Variants in UAP1L1 observed in about 807,000 individuals in gnomAD.
UAP1L1 encodes the protein UDP-N-acetylglucosamine pyrophosphorylase 1 like 1.
In UAP1L1, 45 loss-of-function variants were observed where a neutral mutation model predicts 45.3. The ratio of observed to expected loss-of-function variants is 0.99; its 90% confidence interval spans 0.78 to 1.27. The LOEUF is 1.27. UAP1L1 is among the 50% of genes most tolerant of loss of function. UAP1L1 has a pLI of 0.00. For missense variants in UAP1L1, 667 were observed against 694.0 expected (o/e 0.96, Z 0.44); for synonymous variants, 323 against 303.9 (o/e 1.06, Z -0.65).
chr9:137,078,105 G>T lies in UAP1L1; in HGVS notation c.345G>T (p.Gln115His), dbSNP rs1197940972. ...KVAVLLLAGG[Q>H]GTRLGVTYPK... ...CCGTCCTGCTGCTGGCTGGGGGGCA[G>T]GGCACTCGCCTGGGCGTGACCTACC... The change falls in exon 2 of 9, where the codon CAG becomes CAT. Residue 115 changes from glutamine (Q) to histidine (H), a missense_variant. Physicochemically the swap from Gln to His is conservative, Grantham distance 24. Coordinates refer to ENST00000409858, the MANE Select transcript of UAP1L1 (RefSeq NM_207309.3). 6.5e-7 allele frequency: 1 copy of T among 1,550,182 alleles called. No individual in the cohort carries two copies.
rs959814645 is a variant in UAP1L1, at chr9:137,082,707, A to G, written c.1502A>G (p.Glu501Gly). 5 of 1,550,636 alleles carry G rather than the reference A, an allele frequency of 3.2e-6. No homozygotes were observed. The highest frequency in any genetic ancestry group is 4.4e-6 in the Non-Finnish European group (5 of 1,147,214). ...ATCCTGGATGAAGACCAGGCCAGGGAGCCGCAGCTGCAGGAGTCCTGACCC... is the reference window on the plus strand; with the variant it reads ...ATCCTGGATGAAGACCAGGCCAGGGGGCCGCAGCTGCAGGAGTCCTGACCC... ...PLILDEDQAR[E>G]PQLQES is the part of the protein sequence containing the mutation. Residue 501 changes from glutamate to glycine, a missense_variant, in exon 9 of 9, where the codon GAG (glutamate) becomes GGG (glycine). Coordinates refer to ENST00000409858, the MANE Select transcript of UAP1L1 (RefSeq NM_207309.3). The surrounding 1 kb of genome is among the most constrained non-coding windows in gnomAD (Gnocchi z 5.7).
In UAP1L1 at chr9:137,079,034, G is replaced by A. The variant is rs747688160; in HGVS notation, c.729G>A (p.Glu243=). 18 of 1,607,084 alleles carry A rather than the reference G, an allele frequency of 1.1e-5. No individual in the cohort carries two copies. The highest frequency in any genetic ancestry group is 3.3e-4 in the Middle Eastern group (2 of 6,036). ...LEDHKILEDM[E]RRGVEFVHVY... ...ACCACAAGATCCTGGAGGACATGGAGCGCCGGGGAGTGGAGTTTGTGCACG... is the reference window on the plus strand; with the variant it reads ...ACCACAAGATCCTGGAGGACATGGAACGCCGGGGAGTGGAGTTTGTGCACG... The change falls in exon 4 of 9, where the codon GAG becomes GAA. Residue 243 remains glutamate, a synonymous_variant. Transcript: ENST00000409858.
chr9:137,078,665 G>A lies in UAP1L1; in HGVS notation c.658G>A (p.Ala220Thr), dbSNP rs1278956440. Reference protein sequence around the residue: ...KVILERKDKVAMAPDGNGGLY... With the variant: ...KVILERKDKVTMAPDGNGGLY... ...TATCCTGGAGCGGAAAGACAAAGTT[G>A]CCATGGCCCCAGGTGTGGCCCGTTC... Residue 220 changes from alanine to threonine, a missense_variant, in exon 3 of 9, where the codon GCC (alanine) becomes ACC (threonine). Ala to Thr is a moderately conservative substitution (Grantham distance 58). Coordinates refer to ENST00000409858, the MANE Select transcript of UAP1L1 (RefSeq NM_207309.3). 4 of 1,612,248 alleles carry A rather than the reference G, an allele frequency of 2.5e-6. No individual in the cohort carries two copies. The highest frequency in any genetic ancestry group is 1.7e-4 in the Middle Eastern group (1 of 6,060).
In UAP1L1 at chr9:137,080,711, C is replaced by T; in HGVS notation, c.1201C>T (p.Leu401=). Residue 401 remains leucine (L), a synonymous_variant, in exon 7 of 9, where the codon CTG becomes TTG. Transcript: ENST00000409858. ...FAKNFAALEV[L]REEEFSPLKN... The stretch of plus-strand genomic sequence containing the variant: ...CAGGAACTTTGCTGCCTTGGAAGTG[C>T]TGCGGGAGGAGGAATTTTCCCCACT... The T allele has an allele frequency of 6.2e-7, 1 of 1,612,112 alleles. No homozygotes were observed. The highest frequency in any genetic ancestry group is 8.5e-7 in the Non-Finnish European group (1 of 1,179,530).
chr9:137,082,510 C>T lies in UAP1L1; in HGVS notation c.1432-127C>T, dbSNP rs973431195. On this transcript the variant is annotated intron_variant, in intron 8 of 8. Transcript: ENST00000409858. The surrounding 1 kb of genome is among the most constrained non-coding windows in gnomAD (Gnocchi z 5.7). ...CTCCTGGCCCTGGAAGCCTTTCTGT[C>T]CCCACCCCTCCCTGACTCCAGGCAG... 2.6e-6 allele frequency: 2 copies of T among 760,220 alleles called. No individual in the cohort carries two copies. Among genetic ancestry groups the T allele is most frequent in the Non-Finnish European group, 4.4e-6 (2 of 456,284 alleles). 47.1% of individuals were successfully genotyped at this position (760,220 alleles called of 1,614,324 possible). A position where few individuals can be genotyped will look rare whatever the true frequency, so the allele number is the denominator to read the frequency against.
At chr9:137,081,027 C>T (rs573729850) in intron 7 of UAP1L1, among the ~76,000 whole-genome samples, 153 bp downstream of exon 7, 2 of 152,290 alleles carry the variant, frequency 1.3e-5, no homozygotes, top group South Asian at 4.1e-4. Context: ...TTGTGCCCAG[C>T]CAGCTCCAGG....
At position 137,077,694 on chromosome 9, in the gene UAP1L1, G is replaced by T; in HGVS notation, c.162G>T (p.Ala54=). 8.7e-7 allele frequency: 1 copy of T among 1,148,462 alleles called. No individual in the cohort carries two copies. 71.1% of individuals were successfully genotyped at this position (1,148,462 alleles called of 1,614,324 possible). The change falls in exon 1 of 9, where the codon GCG becomes GCT. Residue 54 remains alanine, a synonymous_variant. Coordinates refer to ENST00000409858, the MANE Select transcript of UAP1L1 (RefSeq NM_207309.3). The surrounding 1 kb of genome is among the most constrained non-coding windows in gnomAD (Gnocchi z 4.7). The part of the protein sequence containing the change: ...EALREHCRRA[A]EACARPHGPP... ...TGCGCGAGCACTGCCGGCGGGCGGC[G>T]GAGGCCTGCGCGCGCCCCCACGGCC...
In UAP1L1 at chr9:137,077,956, C is replaced by T. The variant is rs946843886; in HGVS notation, c.290-94C>T. 6.5e-7 allele frequency: 1 copy of T among 1,529,348 alleles called. No individual in the cohort carries two copies. Among genetic ancestry groups the T allele is most frequent in the South Asian group, 1.2e-5 (1 of 83,212 alleles). 94.7% of individuals were successfully genotyped at this position (1,529,348 alleles called of 1,614,324 possible). A position where few individuals can be genotyped will look rare whatever the true frequency, so the allele number is the denominator to read the frequency against. ...TGTCTCGCCTCACGCGTTCCGGCCCCCGAGTCCTGGCGCCCCAGCCCCAGA... is the reference window on the plus strand; with the variant it reads ...TGTCTCGCCTCACGCGTTCCGGCCCTCGAGTCCTGGCGCCCCAGCCCCAGA... On this transcript the variant is annotated intron_variant, in intron 1 of 8. Coordinates refer to ENST00000409858, the MANE Select transcript of UAP1L1 (RefSeq NM_207309.3). The surrounding 1 kb of genome is among the most constrained non-coding windows in gnomAD (Gnocchi z 4.7).
rs1475386669 is a variant in UAP1L1, at chr9:137,079,079, C to G, written c.774C>G (p.Ile258Met). 3.1e-6 allele frequency: 5 copies of G among 1,610,738 alleles called. No homozygotes were observed. The highest frequency in any genetic ancestry group is 3.4e-6 in the Non-Finnish European group (4 of 1,179,242). ...TGCACGTGTACTGTGTGGACAACAT[C>G]CTGGTGCGGCTGGCGGACCCTGTCT... ...EFVHVYCVDN[I>M]LVRLADPVFI... Residue 258 changes from isoleucine (I) to methionine (M), a missense_variant, in exon 4 of 9, where the codon ATC becomes ATG. Coordinates refer to ENST00000409858, the MANE Select transcript of UAP1L1 (RefSeq NM_207309.3).
chr9:137,080,587 G>A, intron 6 of UAP1L1, 102 bp from the exon 7 acceptor site: 1 of 1,220,110 alleles, frequency 8.2e-7, no homozygotes, highest in Non-Finnish European at 1.2e-6. Context: ...CTGCCCATGG[G>A]ACCAGACCTT....
At chr9:137,079,903 G>A in intron 5 of UAP1L1, 99 bp from the exon 6 acceptor site, 1 of 1,457,662 alleles carries the variant, frequency 6.9e-7, no homozygotes, top group Non-Finnish European at 9.4e-7. Context: ...CTGCCATCCT[G>A]TCCCACCCAG....
Position 137,082,143 on chromosome 9 carries a change from G to A in UAP1L1, c.1431+79G>A, listed in dbSNP as rs1296412153. The A allele has an allele frequency of 7.2e-7, 1 of 1,393,702 alleles. No individual in the cohort carries two copies. The highest frequency in any genetic ancestry group is 1.0e-6 in the Non-Finnish European group (1 of 979,350). The allele number at this position is 1,393,702 out of a possible 1,614,324, so 86.3% of individuals were successfully genotyped here. A position where few individuals can be genotyped will look rare whatever the true frequency, so the allele number is the denominator to read the frequency against. On this transcript the variant is annotated intron_variant, in intron 8 of 8. Coordinates refer to ENST00000409858, the MANE Select transcript of UAP1L1 (RefSeq NM_207309.3). This position sits in a 1 kb window ranked among gnomAD's most constrained non-coding sequence, Gnocchi z 5.7. ...CATCTGGGGAGAGGTGGCTGCTCGG[G>A]TGGAGACGGCACAGCTCTACCTCGG...
At position 137,077,633 on chromosome 9, in the gene UAP1L1, T is replaced by C; in HGVS notation, c.101T>C (p.Leu34Pro). The C allele has an allele frequency of 2.3e-6, 3 of 1,327,290 alleles. No individual in the cohort carries two copies. The allele number at this position is 1,327,290 out of a possible 1,614,324, so 82.2% of individuals were successfully genotyped here. The change falls in exon 1 of 9, where the codon CTG becomes CCG. Residue 34 changes from leucine to proline, a missense_variant. Leu to Pro is a moderately conservative substitution (Grantham distance 98, BLOSUM62 -3). Coordinates refer to ENST00000409858, the MANE Select transcript of UAP1L1 (RefSeq NM_207309.3). The surrounding 1 kb of genome is among the most constrained non-coding windows in gnomAD (Gnocchi z 4.7). ...AELAPEPRAA[L>P]LAELALLEPE... ...CTGGCGCCGGAGCCACGAGCCGCGC[T>C]GCTGGCGGAGCTGGCGCTGCTGGAG...
chr9:137,078,414 C>T (rs765926060), intron 2 of UAP1L1, 88 bp from the exon 3 acceptor site: 1 of 1,603,604 alleles, frequency 6.2e-7, no homozygotes, highest in Non-Finnish European at 8.5e-7. Flanking sequence ...ACACTGGACC[C>T]CGAACCCCGA....
rs193018632 is a variant in UAP1L1, at chr9:137,084,509, T to A, written c.*1780T>A. The A allele has an allele frequency of 2.6e-5, 4 of 152,340 alleles. No homozygotes were observed. The allele number at this position is 152,340 out of a possible 1,614,324, so 9.4% of individuals were successfully genotyped here. The stretch of plus-strand genomic sequence containing the variant: ...ATCTTAATGTTCTGTAGGTGGAATA[T>A]TTCCAATAAACACAAGGTGCCGTAA... On this transcript the variant is annotated 3_prime_UTR_variant, in exon 9 of 9. Transcript: ENST00000409858.
rs1832718370 is a variant in UAP1L1 at position 137,077,954 on chromosome 9, C to G, written c.290-96C>G. The G allele has an allele frequency of 6.5e-7, 1 of 1,528,032 alleles. No homozygotes were observed. The highest frequency in any genetic ancestry group is 1.4e-5 in the African/African-American group (1 of 72,682). 94.7% of individuals were successfully genotyped at this position (1,528,032 alleles called of 1,614,324 possible). A position where few individuals can be genotyped will look rare whatever the true frequency, so the allele number is the denominator to read the frequency against. On this transcript the variant is annotated intron_variant, in intron 1 of 8. Transcript: ENST00000409858. The surrounding 1 kb of genome is among the most constrained non-coding windows in gnomAD (Gnocchi z 4.7). ...CGTGTCTCGCCTCACGCGTTCCGGC[C>G]CCCGAGTCCTGGCGCCCCAGCCCCA...
rs530827436 is a variant in UAP1L1 at position 137,081,136 on chromosome 9, A to T, written c.1364+262A>T. Among the ~76,000 whole-genome samples, 5 of 152,338 alleles carry T rather than the reference A, an allele frequency of 3.3e-5. No individual in the cohort carries two copies. In the South Asian group the frequency reaches 1.0e-3, roughly 32 times the overall value. ...GGCTCCCCAACTCCCTCCCCAACTT[A>T]TCCACAAGGTTTTGGTTTGTTTACA... is the stretch of plus-strand genomic sequence containing the variant. On this transcript the variant is annotated intron_variant, in intron 7 of 8. Transcript: ENST00000409858.
At chr9:137,078,809 C>A (rs1009311470) in intron 3 of UAP1L1, 132 bp downstream of exon 3, 4 of 1,317,648 alleles carry the variant, frequency 3.0e-6, no homozygotes, top group African/African-American at 3.0e-5. Flanking sequence ...TTTTTCTGGG[C>A]CTTGATCGTC....
chr9:137,078,566 T>C lies in UAP1L1; in HGVS notation c.559T>C (p.Phe187Leu). ...TAEFFREHNF[F>L]HLDPANVVMF... ...CGAGTTCTTCAGGGAGCACAACTTC[T>C]TCCACCTGGACCCCGCCAACGTGGT... Residue 187 changes from phenylalanine (F) to leucine (L), a missense_variant, in exon 3 of 9, where the codon TTC becomes CTC. Physicochemically the swap from Phe to Leu is conservative, Grantham distance 22. Coordinates refer to ENST00000409858, the MANE Select transcript of UAP1L1 (RefSeq NM_207309.3). 6.2e-7 allele frequency: 1 copy of C among 1,613,224 alleles called. No individual in the cohort carries two copies. The highest frequency in any genetic ancestry group is 8.5e-7 in the Non-Finnish European group (1 of 1,180,020).
Sources: gnomAD v4.1 joint callset for allele counts (sites outside exome capture counted in the v4.1 genomes callset) on GRCh38, gnomAD v4.1.1 for gene constraint, Gnocchi (gnomAD v3.1) non-coding constraint, MANE v1.5 for transcripts, NCBI Gene and HGNC (gene_info 2026-07-23, HGNC 2026-07-21) for gene names.